The following CHODL variants were observed in gnomAD, a reference collection of about 807,000 sequenced individuals.
CHODL encodes transmembrane protein MT75.
In CHODL, 29 loss-of-function variants were observed where a neutral mutation model predicts 34.5. The ratio of observed to expected loss-of-function variants is 0.84; its 90% CI spans 0.63 to 1.15. The LOEUF is 1.15. CHODL is among the 50% of genes most tolerant of loss of function. The probability of loss-of-function intolerance (pLI) is 0.00; values close to 1 mark genes in which losing one functional copy is unlikely to be tolerated. For missense variants in CHODL, 332 were observed against 332.5 expected (o/e 1.00, Z 0.01); for synonymous variants, 125 against 116.1 (o/e 1.08, Z -0.49).
chr21:18,232,855 G>A (rs1054535610), intron 2 of CHODL, among the ~76,000 whole-genome samples: 4 of 148,726 alleles, frequency 2.7e-5, no homozygotes, highest in Non-Finnish European at 5.9e-5. Context: ...TTTTAAAAAT[G>A]TTTTTGACAA....
At chr21:18,170,618 T>A (rs1387811349) in intron 2 of CHODL, among the ~76,000 whole-genome samples, 1 of 150,106 alleles carries the variant, frequency 6.7e-6, no homozygotes, top group African/African-American at 2.5e-5. Context: ...TTTATAACAC[T>A]CTATTTCAGT....
chr21:18,264,882 A>G (rs1388917393), intron 5 of CHODL, among the ~76,000 whole-genome samples: 1 of 152,020 alleles, frequency 6.6e-6, no homozygotes, highest in Admixed American at 6.6e-5. Context: ...GCTTCCAGAA[A>G]TCAAGTGACT....
chr21:18,094,498 A>G (rs2065114020), intron 2 of CHODL, among the ~76,000 whole-genome samples: 1 of 152,166 alleles, frequency 6.6e-6, no homozygotes, highest in South Asian at 2.1e-4. Context: ...AAAAATTGAA[A>G]TAAGCATCTT....
chr21:18,245,276 G>C lies in CHODL; in HGVS notation c.53G>C (p.Gly18Ala). The C allele has an allele frequency of 2.0e-6, 3 of 1,525,408 alleles. No homozygotes were observed. The highest frequency in any genetic ancestry group is 2.6e-6 in the Non-Finnish European group (3 of 1,142,802). The allele number at this position is 1,525,408 out of a possible 1,614,324, so 94.5% of individuals were successfully genotyped here. The change falls in exon 1 of 6, where the codon GGA becomes GCA. Residue 18 changes from glycine (G) to alanine (A), a missense_variant. Physicochemically the swap from Gly to Ala is moderately conservative, Grantham distance 60. Transcript: ENST00000299295. ...GGCGCCGCGCTGCTCTGCGGCCACGGAGCCTTCTGCCGCCGCGTGGTCAGC... is the reference window on the plus strand; with the variant it reads ...GGCGCCGCGCTGCTCTGCGGCCACGCAGCCTTCTGCCGCCGCGTGGTCAGC... ...LLGAALLCGH[G>A]AFCRRVVSGQ...
chr21:18,193,712 A>G (rs200523062), intron 2 of CHODL, among the ~76,000 whole-genome samples: 1 of 139,308 alleles, frequency 7.2e-6, no homozygotes, highest in Non-Finnish European at 1.5e-5. Context: ...AAAAAAAAAT[A>G]AAATAAATAA....
chr21:18,076,811 A>G (rs926075675), intron 2 of CHODL, among the ~76,000 whole-genome samples: 5 of 152,230 alleles, frequency 3.3e-5, no homozygotes, highest in Non-Finnish European at 7.3e-5. Context: ...TAGTGGATTC[A>G]TGGGGCCAGG....
chr21:17,955,911 A>G (rs2063490947), intron 1 of CHODL, among the ~76,000 whole-genome samples: 1 of 136,794 alleles, frequency 7.3e-6, no homozygotes, highest in Non-Finnish European at 1.7e-5. Context: ...CTCAGAAAAG[A>G]GCTTCAGAAA....
chr21:17,991,115 G>A (rs1291000085), intron 1 of CHODL, among the ~76,000 whole-genome samples: 1 of 152,000 alleles, frequency 6.6e-6, no homozygotes, highest in Non-Finnish European at 1.5e-5. Context: ...TTCTATCCAT[G>A]TTGCTACAGT....
intron 5 of CHODL, among the ~76,000 whole-genome samples, chr21:18,264,636 T>TG (rs2074428915): frequency 6.9e-6 from 1 of 145,776 alleles, no homozygotes; most frequent in Non-Finnish European, 1.5e-5. Context: ...AGAGAGAGAA[T>TG]GACTTGGATA....
intron 1 of CHODL, among the ~76,000 whole-genome samples, chr21:17,989,244 C>G (rs941439136): frequency 5.9e-5 from 9 of 152,126 alleles, no homozygotes; most frequent in African/African-American, 2.2e-4. Context: ...CACTTACCTG[C>G]AAATCATCCT....
At chr21:17,948,622 A>G (rs559352021) in intron 1 of CHODL, among the ~76,000 whole-genome samples, 3 of 152,126 alleles carry the variant, frequency 2.0e-5, no homozygotes, top group Non-Finnish European at 4.4e-5. Flanking sequence ...TCTATAACAA[A>G]CAATTATATG....
intron 1 of CHODL, among the ~76,000 whole-genome samples, chr21:18,000,792 A>G (rs1477551508): frequency 6.6e-6 from 1 of 152,228 alleles, no homozygotes; most frequent in Non-Finnish European, 1.5e-5. Flanking sequence ...CAGCACTGTG[A>G]TAAATACTCA....
At chr21:18,261,069 T>C (rs570024310) in intron 4 of CHODL, among the ~76,000 whole-genome samples, 9 of 152,280 alleles carry the variant, frequency 5.9e-5, no homozygotes, top group African/African-American at 2.2e-4. Flanking sequence ...CTCATGAGTT[T>C]GTCTTCTGTT....
chr21:18,121,220 G>A (rs1350229707), intron 2 of CHODL, among the ~76,000 whole-genome samples: 3 of 152,054 alleles, frequency 2.0e-5, no homozygotes, highest in Non-Finnish European at 4.4e-5. Context: ...ACTTCCCTGG[G>A]CCACAGTGGA....
chr21:17,995,294 AG>A (rs2063838299), intron 1 of CHODL, among the ~76,000 whole-genome samples: 1 of 152,124 alleles, frequency 6.6e-6, no homozygotes, highest in Non-Finnish European at 1.5e-5. Flanking sequence ...TATTAGTCTC[AG>A]GATATGTGAG....
At chr21:18,199,026 A>G (rs1253240353) in intron 2 of CHODL, among the ~76,000 whole-genome samples, 4 of 152,110 alleles carry the variant, frequency 2.6e-5, no homozygotes, top group Non-Finnish European at 5.9e-5. Flanking sequence ...CAGGCCAAGG[A>G]ATTAAAATAA....
intron 2 of CHODL, among the ~76,000 whole-genome samples, chr21:18,060,709 C>CAAAAAAAAAAAAAAAAAAAAAAAAAAA (rs71318121): frequency 8.2e-6 from 1 of 121,374 alleles, no homozygotes; most frequent in African/African-American, 3.3e-5. Context: ...CTCCTCGGAC[C>CAAAAAAAAAAAAAAAAAAAAAAAAAAA]AAAAAAAAAA....
At chr21:18,218,169 G>A (rs1257607069) in intron 2 of CHODL, among the ~76,000 whole-genome samples, 1 of 152,198 alleles carries the variant, frequency 6.6e-6, no homozygotes, top group South Asian at 2.1e-4. Flanking sequence ...CTGTATGGGG[G>A]CTGTGATCCT....
intron 2 of CHODL, among the ~76,000 whole-genome samples, chr21:18,086,298 T>G (rs1038884831): frequency 1.3e-5 from 2 of 152,088 alleles, no homozygotes; most frequent in Non-Finnish European, 2.9e-5. Context: ...AGATTTCTCT[T>G]GCATCTGATT....
Sources: allele counts gnomAD v4.1 joint callset (sites outside exome capture counted in the v4.1 genomes callset), GRCh38; gene constraint gnomAD v4.1.1; transcripts MANE v1.5; gene names NCBI Gene and HGNC (gene_info 2026-07-23, HGNC 2026-07-21).